Variants in SEPTIN14 observed in about 807,000 individuals in gnomAD.
SEPTIN14 encodes septin-14.
Under a neutral mutation model 53.6 loss-of-function variants are expected in SEPTIN14, and 40 were observed. The observed-to-expected ratio is 0.75, with a 90% CI of 0.58 to 0.97. SEPTIN14 has a LOEUF of 0.97. Ranked by LOEUF, SEPTIN14 falls within the 50% of genes least tolerant of loss-of-function variation. SEPTIN14 has a pLI of 0.00. For synonymous variants in SEPTIN14, 138 were observed against 166.8 expected (o/e 0.83, Z 1.33); for missense variants, 471 against 508.2 (o/e 0.93, Z 0.70).
At chr7:55,797,059 G>A (rs957835782) in intron 9 of SEPTIN14, among the ~76,000 whole-genome samples, 4 of 151,996 alleles carry the variant, frequency 2.6e-5, no homozygotes, top group African/African-American at 9.7e-5. Flanking sequence ...GGAGGCGGAG[G>A]TTGCAGTAAG....
rs144859131 is a variant in SEPTIN14, at chr7:55,821,101, T to C, written c.721-1878A>G. On this transcript the variant is annotated intron_variant, in intron 6 of 9. Coordinates refer to ENST00000388975, the MANE Select transcript of SEPTIN14 (RefSeq NM_207366.3). ...ACACAGCATTCGCATCCAACCCCCA[T>C]CTACCTGTTTTTGAGGCTAAGTCCT... Among the ~76,000 whole-genome samples, 163 of 152,290 alleles carry C rather than the reference T, an allele frequency of 1.1e-3. 3 individuals carry two copies. The East Asian group carries it at 0.029, about 27-fold the overall frequency.
At chr7:55,811,658 C>T (rs1316560436) in intron 7 of SEPTIN14, among the ~76,000 whole-genome samples, 7 of 150,818 alleles carry the variant, frequency 4.6e-5, no homozygotes, top group African/African-American at 1.2e-4. Context: ...TGCACCACCA[C>T]GCCTGGTTTT....
At chr7:55,822,941 C>T (rs1336530119) in intron 6 of SEPTIN14, among the ~76,000 whole-genome samples, 2 of 151,260 alleles carry the variant, frequency 1.3e-5, no homozygotes, top group Admixed American at 6.6e-5. Context: ...GCACAAATAA[C>T]TCACAATCTT....
chr7:55,845,884 C>G (rs1423395379), intron 3 of SEPTIN14, among the ~76,000 whole-genome samples: 1 of 149,274 alleles, frequency 6.7e-6, no homozygotes, highest in Non-Finnish European at 1.5e-5. Flanking sequence ...CCCGTCTGTA[C>G]TAAAAATACA....
At chr7:55,832,727 G>A (rs977661437) in intron 6 of SEPTIN14, among the ~76,000 whole-genome samples, 2 of 152,104 alleles carry the variant, frequency 1.3e-5, no homozygotes, top group South Asian at 4.1e-4. Flanking sequence ...GGAAACAATA[G>A]ATAGTGAGAC....
At chr7:55,833,346 CTT>C (rs1789144859) in intron 6 of SEPTIN14, among the ~76,000 whole-genome samples, 1 of 150,686 alleles carries the variant, frequency 6.6e-6, no homozygotes, top group East Asian at 2.0e-4. Context: ...AACAACCTAA[CTT>C]TACACACACA....
At chr7:55,828,584 G>A (rs1256508869) in intron 6 of SEPTIN14, among the ~76,000 whole-genome samples, 2 of 152,114 alleles carry the variant, frequency 1.3e-5, no homozygotes, top group Non-Finnish European at 2.9e-5. Context: ...GATTACAGGC[G>A]TGAGCCACTG....
chr7:55,810,147 A>G (rs906238933), intron 7 of SEPTIN14, among the ~76,000 whole-genome samples: 3 of 151,982 alleles, frequency 2.0e-5, no homozygotes, highest in Non-Finnish European at 4.4e-5. Context: ...TTTTGATAAT[A>G]GTCATTCTAA....
chr7:55,824,948 G>T (rs374655887), intron 6 of SEPTIN14, among the ~76,000 whole-genome samples: 2 of 151,970 alleles, frequency 1.3e-5, no homozygotes, highest in South Asian at 2.1e-4. Flanking sequence ...AGTTTCTTTC[G>T]AAACTAAACG....
chr7:55,795,761 C>A lies in SEPTIN14; in HGVS notation c.*152G>T. ...GGGATTACAGGCATGAGCCACCACACCCCGCTAGGAGTTCACACTTTAGTT... is the reference window on the plus strand; with the variant it reads ...GGGATTACAGGCATGAGCCACCACAACCCGCTAGGAGTTCACACTTTAGTT... On this transcript the variant is annotated 3_prime_UTR_variant, in exon 10 of 10. Coordinates refer to ENST00000388975, the MANE Select transcript of SEPTIN14 (RefSeq NM_207366.3). 3.1e-6 allele frequency: 2 copies of A among 646,420 alleles called. No individual in the cohort carries two copies. Among genetic ancestry groups the A allele is most frequent in the South Asian group, 1.9e-5 (1 of 52,034 alleles). The allele number at this position is 646,420 out of a possible 1,614,324, so 40.0% of individuals were successfully genotyped here.
chr7:55,828,998 C>G (rs1368863717), intron 6 of SEPTIN14, among the ~76,000 whole-genome samples: 2 of 151,104 alleles, frequency 1.3e-5, no homozygotes, highest in East Asian at 4.0e-4. Flanking sequence ...ATTTATTGAA[C>G]TCTTGATTAT....
chr7:55,850,236 T>C lies in SEPTIN14; in HGVS notation c.55-3599A>G, dbSNP rs146981304. 2.8e-3 allele frequency among the ~76,000 whole-genome samples: 424 copies of C among 152,292 alleles called. 5 individuals are homozygous for C. Among genetic ancestry groups the C allele is most frequent in the Middle Eastern group, 0.01 (3 of 294 alleles). ...CCTGTATCCTAGCATTCTGTGAGGT[T>C]GAGGTGGGTTGGATCACCTGAGGTC... On this transcript the variant is annotated intron_variant, in intron 2 of 9. Transcript: ENST00000388975.
rs1340287266 is a variant in SEPTIN14, at chr7:55,793,801, A to G, written c.*2112T>C. On this transcript the variant is annotated 3_prime_UTR_variant, in exon 10 of 10. Transcript: ENST00000388975. ...TAACCAAAAACGAAATCTACATAGA[A>G]TATACACAAAAGGAAATGAGAATAG... is the stretch of plus-strand genomic sequence containing the variant. 2.0e-5 allele frequency: 3 copies of G among 152,166 alleles called. No individual in the cohort carries two copies. The highest frequency in any genetic ancestry group is 4.4e-5 in the Non-Finnish European group (3 of 67,990). 9.4% of individuals were successfully genotyped at this position (152,166 alleles called of 1,614,324 possible). A position where few individuals can be genotyped will look rare whatever the true frequency, so the allele number is the denominator to read the frequency against.
intron 2 of SEPTIN14, among the ~76,000 whole-genome samples, chr7:55,860,279 A>T (rs1187613861): frequency 2.6e-5 from 4 of 152,184 alleles, no homozygotes; most frequent in African/African-American, 9.6e-5. Flanking sequence ...AAGTGAAGTA[A>T]GTCAGACACA....
intron 9 of SEPTIN14, 72 bp downstream of exon 9, chr7:55,805,186 T>G: frequency 2.2e-5 from 31 of 1,384,548 alleles, no homozygotes; most frequent in Non-Finnish European, 2.9e-5. Flanking sequence ...AGTAAACTCT[T>G]GAGATTAAAA....
At position 55,795,742 on chromosome 7, in the gene SEPTIN14, A is replaced by G. The variant is rs1217847755; in HGVS notation, c.*171T>C. On this transcript the variant is annotated 3_prime_UTR_variant, in exon 10 of 10. Transcript: ENST00000388975. ...CTCAGCCTCCCAAAGTGCTGGGATT[A>G]CAGGCATGAGCCACCACACCCCGCT... 1.2e-5 allele frequency: 7 copies of G among 606,276 alleles called. No individual in the cohort carries two copies. The highest frequency in any genetic ancestry group is 3.7e-5 in the African/African-American group (2 of 53,790). The allele number at this position is 606,276 out of a possible 1,614,324, so 37.6% of individuals were successfully genotyped here. A position where few individuals can be genotyped will look rare whatever the true frequency, so the allele number is the denominator to read the frequency against.
At chr7:55,836,152 T>A (rs539385879) in intron 5 of SEPTIN14, among the ~76,000 whole-genome samples, 1 of 152,310 alleles carries the variant, frequency 6.6e-6, no homozygotes, top group Non-Finnish European at 1.5e-5. Flanking sequence ...TAAAAAGACA[T>A]AATTTCCACA....
chr7:55,822,856 CAAA>C (rs148179709), intron 6 of SEPTIN14, among the ~76,000 whole-genome samples: 21 of 104,366 alleles, frequency 2.0e-4, no homozygotes, highest in Admixed American at 4.0e-4. Context: ...CAGGGGAAAG[CAAA>C]AAAAAAAAAA....
rs756080172 is a variant in SEPTIN14, at chr7:55,844,583, T to C, written c.311A>G (p.Gln104Arg). Residue 104 changes from glutamine (Q) to arginine (R), a missense_variant, in exon 4 of 10, where the codon CAG becomes CGG. Coordinates refer to ENST00000388975, the MANE Select transcript of SEPTIN14 (RefSeq NM_207366.3). ...QTYELQESNV[Q>R]LKLTVVETVG... The stretch of plus-strand genomic sequence containing the variant: ...TGTCTCCACAACAGTCAATTTCAAC[T>C]GAACATTGCTTTCCTGAAGTTCATA... The C allele has an allele frequency of 1.9e-6, 3 of 1,608,012 alleles. No homozygotes were observed. In the Admixed American group the frequency reaches 5.0e-5, roughly 27 times the overall value.
Sources: gnomAD v4.1 joint callset for allele counts (sites outside exome capture counted in the v4.1 genomes callset) on GRCh38, gnomAD v4.1.1 for gene constraint, MANE v1.5 for transcripts, NCBI Gene and HGNC (gene_info 2026-07-23, HGNC 2026-07-21) for gene names.